TPCN2: variants seen among roughly 807,000 people sequenced by gnomAD.
The protein encoded by TPCN2 is two pore channel protein 2.
TPCN2 carries 92 observed loss-of-function variants against 111.4 expected under a neutral mutation model. That is an observed-to-expected ratio of 0.83 (90% CI 0.70 to 0.98). The LOEUF (loss-of-function observed/expected upper bound fraction) is 0.98, where lower values mean the gene tolerates loss of function less well. Among genes scored for constraint, TPCN2 ranks in the 50% least tolerant of loss-of-function variants. The pLI, the probability that TPCN2 is intolerant of heterozygous loss-of-function variation, is 0.00. For synonymous variants in TPCN2, 405 were observed against 414.5 expected, an observed-to-expected ratio of 0.98 and a Z score of 0.28; for missense variants, 995 against 980.1, an observed-to-expected ratio of 1.02 and a Z score of -0.20.
At chr11:69,079,928 C>T (rs749584554) in intron 17 of TPCN2, 45 bp downstream of exon 17, 5 of 1,593,990 alleles carry the variant, frequency 3.1e-6, no homozygotes, top group African/African-American at 1.3e-5. Context: ...CAAACAGCAC[C>T]ACCACCCAGC....
Position 69,071,409 on chromosome 11 carries a change from G to A in TPCN2, c.949G>A (p.Gly317Ser). 2 of 1,613,560 alleles carry A rather than the reference G, an allele frequency of 1.2e-6. No homozygotes were observed. Among genetic ancestry groups the A allele is most frequent in the Non-Finnish European group, 1.7e-6 (2 of 1,179,840 alleles). Reference protein sequence around the residue: ...LTAIIYSQFRGYLMKSLQTSL... With the variant: ...LTAIIYSQFRSYLMKSLQTSL... ...AGCCATCATCTACAGTCAGTTCCGG[G>A]GCTACCTGATGGTGAGCGAGCTCCC... The change falls in exon 10 of 25, where the codon GGC (glycine) becomes AGC (serine). Residue 317 changes from glycine (G) to serine (S), a missense_variant. Coordinates refer to ENST00000294309, the MANE Select transcript of TPCN2 (RefSeq NM_139075.4).
intron 3 of TPCN2, 103 bp from the exon 4 acceptor site, chr11:69,055,072 G>A: frequency 7.9e-7 from 1 of 1,265,368 alleles, no homozygotes; most frequent in South Asian, 1.4e-5. Flanking sequence ...CCACGCTCAG[G>A]CAGCGCCAAC....
Position 69,072,917 on chromosome 11 carries a change from G to A in TPCN2, c.1146G>A (p.Lys382=). The A allele has an allele frequency of 6.2e-7, 1 of 1,612,082 alleles. No homozygotes were observed. The highest frequency in any genetic ancestry group is 8.5e-7 in the Non-Finnish European group (1 of 1,178,160). Residue 382 remains lysine, a splice_region_variant and synonymous_variant, in exon 13 of 25, where the codon AAG becomes AAA. Transcript: ENST00000294309. Reference sequence around the variant, plus strand: ...GACCTGTGCTCCTTCCTGTGCAGAAGGTGCGTTCCTATGGCAGTGTTCTGC... The same window carrying A: ...GACCTGTGCTCCTTCCTGTGCAGAAAGTGCGTTCCTATGGCAGTGTTCTGC... The part of the protein sequence containing the change: ...DSSHKQAMME[K]VRSYGSVLLS...
At position 69,055,014 on chromosome 11, in the gene TPCN2, C is replaced by T. The variant is rs562127624; in HGVS notation, c.252-161C>T. 2.8e-4 allele frequency: 253 copies of T among 900,772 alleles called. 2 individuals are homozygous for T. In the South Asian group the frequency reaches 3.5e-3, roughly 13 times the overall value. 55.8% of individuals were successfully genotyped at this position (900,772 alleles called of 1,614,324 possible). On this transcript the variant is annotated intron_variant, in intron 3 of 24. Coordinates refer to ENST00000294309, the MANE Select transcript of TPCN2 (RefSeq NM_139075.4). ...TTTCTGGAATGCTGTGGTCAGCCCT[C>T]GGCAATGGAGCTTTGAGCAGATTCG...
At chr11:69,065,616 G>A (rs1046155414) in intron 7 of TPCN2, among the ~76,000 whole-genome samples, 2 of 152,218 alleles carry the variant, frequency 1.3e-5, no homozygotes, top group Admixed American at 6.5e-5. Flanking sequence ...CCTGGCCTGG[G>A]GCGGTAGCCA....
intron 10 of TPCN2, 62 bp from the exon 11 acceptor site, chr11:69,071,861 G>A (rs369331573): frequency 6.7e-7 from 1 of 1,486,356 alleles, no homozygotes; most frequent in Non-Finnish European, 9.3e-7. Flanking sequence ...GGGGAGGGAA[G>A]GGTCGGGGGT....
intron 2 of TPCN2, chr11:69,054,494 C>T: frequency 1.7e-6 from 1 of 580,552 alleles, no homozygotes; most frequent in Admixed American, 3.0e-5. Context: ...GCTCACGCAC[C>T]CACCCACCCC....
At chr11:69,070,713 TCCCGCCAACAGG>T (rs1855486612) in intron 9 of TPCN2, among the ~76,000 whole-genome samples, 1 of 66,032 alleles carries the variant, frequency 1.5e-5, no homozygotes, top group Admixed American at 1.7e-4. Flanking sequence ...CCCAGGGATC[TCCCGCCAACAGG>T]TTCACCCCAG....
intron 1 of TPCN2, among the ~76,000 whole-genome samples, chr11:69,050,611 C>T (rs559888779): frequency 2.6e-5 from 4 of 152,318 alleles, no homozygotes; most frequent in Admixed American, 6.5e-5. Context: ...CTCCTGACCT[C>T]GGGTGATCTG....
intron 18 of TPCN2, 87 bp from the exon 19 acceptor site, chr11:69,083,858 T>C (rs1307523684): frequency 7.6e-7 from 1 of 1,308,460 alleles, no homozygotes; most frequent in Non-Finnish European, 1.1e-6. Flanking sequence ...ATCTTGCCTT[T>C]CTGTCAGGGT....
At chr11:69,061,779 G>A (rs189663588) in intron 5 of TPCN2, among the ~76,000 whole-genome samples, 2 of 152,216 alleles carry the variant, frequency 1.3e-5, no homozygotes, top group South Asian at 2.1e-4. Context: ...TGAGAACACT[G>A]GTGTGTGATG....
chr11:69,072,457 G>C (rs1241413317), intron 11 of TPCN2, among the ~76,000 whole-genome samples, 170 bp from the exon 12 acceptor site: 1 of 152,086 alleles, frequency 6.6e-6, no homozygotes, highest in Non-Finnish European at 1.5e-5. Context: ...CGCCTTCTCG[G>C]GGGGACGGCA....
intron 13 of TPCN2, among the ~76,000 whole-genome samples, chr11:69,078,034 A>G (rs962292832): frequency 2.6e-5 from 4 of 152,142 alleles, no homozygotes; most frequent in Non-Finnish European, 4.4e-5. Context: ...GGGTCCTGAC[A>G]GTGGCAGCGT....
chr11:69,079,864 C>A lies in TPCN2; in HGVS notation c.1570C>A (p.Arg524=). The A allele has an allele frequency of 6.2e-7, 1 of 1,613,706 alleles. No homozygotes were observed. The highest frequency in any genetic ancestry group is 8.5e-7 in the Non-Finnish European group (1 of 1,179,898). Residue 524 remains arginine (R), a synonymous_variant, in exon 17 of 25, where the codon CGA becomes AGA. Transcript: ENST00000294309. ...GGAGATCTCAACTCTGGCTGTGTAC[C>A]GATTGCCACACCCAGGCTGGTATGT... The part of the protein sequence containing the change: ...VLEISTLAVY[R]LPHPGWRPEM...
Position 69,054,723 on chromosome 11 carries a change from C to G in TPCN2, c.177C>G (p.Tyr59Ter). The change falls in exon 3 of 25, where the codon TAC becomes TAG. Residue 59 changes from tyrosine (Y) to a stop codon, truncating the protein, a stop_gained and splice_region_variant. Transcript: ENST00000294309. LOFTEE classifies it high-confidence loss of function. ...AVVFIEDAIQ[Y>*]RSINHRVDAS... ...CTCATGTGACTTTTCGCTTGTAGTACCGCTCCATCAACCACCGGGTGGATG... is the reference window on the plus strand; with the variant it reads ...CTCATGTGACTTTTCGCTTGTAGTAGCGCTCCATCAACCACCGGGTGGATG... 1 of 1,614,148 alleles carries G rather than the reference C, an allele frequency of 6.2e-7. No individual in the cohort carries two copies. The highest frequency in any genetic ancestry group is 1.1e-5 in the South Asian group (1 of 91,082).
chr11:69,062,984 T>C lies in TPCN2; in HGVS notation c.647T>C (p.Met216Thr). ...TGCATCCGCTGGTCGCTGCCGGAAA[T>C]GGCCAGGTGGGCTCTTGGTGCTCTG... ...LKCIRWSLPEMASVGLLLAIH... is the reference protein window; with the variant it reads ...LKCIRWSLPETASVGLLLAIH... Residue 216 changes from methionine to threonine, a missense_variant, in exon 6 of 25, where the codon ATG (methionine) becomes ACG (threonine). Met to Thr is a moderately conservative substitution (Grantham distance 81). Coordinates refer to ENST00000294309, the MANE Select transcript of TPCN2 (RefSeq NM_139075.4). 1.2e-6 allele frequency: 2 copies of C among 1,613,738 alleles called. No homozygotes were observed. The highest frequency in any genetic ancestry group is 1.7e-6 in the Non-Finnish European group (2 of 1,179,730).
chr11:69,054,104 G>A lies in TPCN2; in HGVS notation c.174+7G>A. ...CATCGAAGATGCTATTCAGGTCGGT[G>A]GCACCTGCTCCCTGTGGCCGGGCCT... On this transcript the variant is annotated splice_region_variant and intron_variant, in intron 2 of 24. Transcript: ENST00000294309. 1 of 1,612,400 alleles carries A rather than the reference G, an allele frequency of 6.2e-7. No homozygotes were observed. Among genetic ancestry groups the A allele is most frequent in the Non-Finnish European group, 8.5e-7 (1 of 1,179,694 alleles).
At chr11:69,054,370 GAGGATGACAC>G in intron 2 of TPCN2, 1 of 574,402 alleles carries the variant, frequency 1.7e-6, no homozygotes, top group Non-Finnish European at 3.1e-6. Context: ...GGGCATCCTG[GAGGATGACAC>G]AGCTGCACGG....
intron 18 of TPCN2, among the ~76,000 whole-genome samples, chr11:69,082,650 C>T (rs1200905027): frequency 6.7e-6 from 1 of 148,816 alleles, no homozygotes; most frequent in African/African-American, 2.5e-5. Flanking sequence ...GCACACATCG[C>T]GTGCAGATAT....
Sources: allele counts gnomAD v4.1 joint callset (sites outside exome capture counted in the v4.1 genomes callset), GRCh38; gene constraint gnomAD v4.1.1; transcripts MANE v1.5; gene names NCBI Gene and HGNC (gene_info 2026-07-23, HGNC 2026-07-21).